Variants in TFEC observed in about 807,000 individuals in gnomAD.
TFEC encodes the protein transcription factor EC, also known as class E basic helix-loop-helix protein 34.
In TFEC, 31 loss-of-function variants were observed where a neutral mutation model predicts 41.6. The observed-to-expected ratio is 0.74, with a 90% confidence interval of 0.56 to 1.01. The LOEUF (loss-of-function observed/expected upper bound fraction) is 1.01. TFEC is among the 50% of genes least tolerant of loss of function. The probability of loss-of-function intolerance (pLI) is 0.00; values close to 1 mark genes in which losing one functional copy is unlikely to be tolerated. For missense variants in TFEC, 402 were observed against 404.1 expected (o/e 0.99, Z 0.04); for synonymous variants, 143 against 140.6 (o/e 1.02, Z -0.12).
At chr7:116,153,504 C>T (rs1465590754) in intron 1 of TFEC, among the ~76,000 whole-genome samples, 2 of 152,272 alleles carry the variant, frequency 1.3e-5, no homozygotes, top group East Asian at 1.9e-4. Flanking sequence ...CCACCCACCT[C>T]GGCCTCCCAA....
chr7:116,039,019 C>T (rs1373644380), intron 3 of TFEC, among the ~76,000 whole-genome samples: 1 of 152,056 alleles, frequency 6.6e-6, no homozygotes, highest in Non-Finnish European at 1.5e-5. Context: ...AAGTGACATT[C>T]ATCACTTCTA....
intron 1 of TFEC, among the ~76,000 whole-genome samples, chr7:115,996,361 G>A (rs1794367248): frequency 1.3e-5 from 2 of 152,124 alleles, no homozygotes; most frequent in African/African-American, 4.8e-5. Context: ...TAGCAGGGAA[G>A]GATCCAGTCA....
At chr7:116,030,806 A>G, upstream of TFEC, 2 of 985,440 alleles carry the variant, frequency 2.0e-6, no homozygotes, top group Non-Finnish European at 2.4e-6. Context: ...GAAAGAGAAA[A>G]GAGAAGTGGC....
intron 3 of TFEC, among the ~76,000 whole-genome samples, chr7:115,965,982 T>A (rs1271160728): frequency 6.6e-6 from 1 of 151,482 alleles, no homozygotes; most frequent in East Asian, 1.9e-4. Context: ...GCCCTAAGCC[T>A]AAATTATGTT....
At chr7:116,076,408 A>G (rs1031470536) in intron 3 of TFEC, among the ~76,000 whole-genome samples, 9 of 152,120 alleles carry the variant, frequency 5.9e-5, no homozygotes, top group Admixed American at 2.6e-4. Context: ...CCAGCAATGG[A>G]TCTAAACCAA....
chr7:116,068,592 A>G (rs1305659052), intron 3 of TFEC, among the ~76,000 whole-genome samples: 1 of 151,734 alleles, frequency 6.6e-6, no homozygotes, highest in Non-Finnish European at 1.5e-5. Context: ...AATAATTAAC[A>G]AAATAATAGA....
intron 1 of TFEC, among the ~76,000 whole-genome samples, chr7:116,122,102 T>C (rs1489635634): frequency 6.6e-6 from 1 of 152,042 alleles, no homozygotes; most frequent in Non-Finnish European, 1.5e-5. Flanking sequence ...GTAATTGTTG[T>C]TACAATTGCA....
At chr7:116,099,839 T>C (rs963173358) in intron 3 of TFEC, among the ~76,000 whole-genome samples, 3 of 152,256 alleles carry the variant, frequency 2.0e-5, no homozygotes, top group Non-Finnish European at 4.4e-5. Flanking sequence ...AATGTTTAAA[T>C]TGTACTTAAA....
intron 1 of TFEC, among the ~76,000 whole-genome samples, chr7:116,117,202 T>C (rs1798010012): frequency 6.6e-6 from 1 of 151,784 alleles, no homozygotes; most frequent in African/African-American, 2.4e-5. Context: ...CTTGACTAAA[T>C]AAGATTGCTT....
At chr7:115,980,378 A>T (rs1282723474) in intron 2 of TFEC, among the ~76,000 whole-genome samples, 2 of 152,186 alleles carry the variant, frequency 1.3e-5, no homozygotes, top group Non-Finnish European at 2.9e-5. Flanking sequence ...ATCTATGTTG[A>T]CATCACAGAG....
At chr7:115,941,572 G>A in intron 7 of TFEC, 1 of 319,850 alleles carries the variant, frequency 3.1e-6, no homozygotes, top group Non-Finnish European at 5.6e-6. Context: ...TATGAAATGA[G>A]TTATATTTTA....
chr7:115,993,228 T>A (rs1475328363), intron 1 of TFEC, among the ~76,000 whole-genome samples: 1 of 152,172 alleles, frequency 6.6e-6, no homozygotes, highest in Admixed American at 6.5e-5. Flanking sequence ...GAGCTATTTA[T>A]GACAAACCCA....
chr7:115,963,474 A>T (rs1041108930), intron 3 of TFEC, among the ~76,000 whole-genome samples: 1 of 151,768 alleles, frequency 6.6e-6, no homozygotes, highest in South Asian at 2.1e-4. Context: ...ACTTAAACAG[A>T]TAATTGTACA....
chr7:115,973,651 C>T (rs1793236549), intron 3 of TFEC, among the ~76,000 whole-genome samples: 1 of 151,972 alleles, frequency 6.6e-6, no homozygotes, highest in African/African-American at 2.4e-5. Flanking sequence ...AGTCTTTCTA[C>T]ATACTTTAAA....
chr7:116,019,284 T>C (rs1241305358), intron 1 of TFEC, among the ~76,000 whole-genome samples: 1 of 152,208 alleles, frequency 6.6e-6, no homozygotes, highest in African/African-American at 2.4e-5. Flanking sequence ...ACTAATTCTC[T>C]AAAGGAATGA....
intron 1 of TFEC, among the ~76,000 whole-genome samples, chr7:116,009,991 C>T (rs1220933582): frequency 6.6e-6 from 1 of 152,074 alleles, no homozygotes; most frequent in Non-Finnish European, 1.5e-5. Context: ...GATGATAGGG[C>T]TCAAACAGGA....
intron 6 of TFEC, among the ~76,000 whole-genome samples, chr7:115,948,876 G>C (rs1180383309): frequency 1.3e-5 from 2 of 150,124 alleles, no homozygotes; most frequent in Admixed American, 1.3e-4. Context: ...AGGAAATAAA[G>C]GGTATTCAAT....
At chr7:115,953,438 G>A (rs1792054040) in intron 5 of TFEC, among the ~76,000 whole-genome samples, 1 of 152,010 alleles carries the variant, frequency 6.6e-6, no homozygotes, top group African/African-American at 2.4e-5. Flanking sequence ...GCAAGATGAT[G>A]TAGCAGGTGT....
At chr7:115,995,325 C>T (rs557374302) in intron 1 of TFEC, among the ~76,000 whole-genome samples, 1 of 151,204 alleles carries the variant, frequency 6.6e-6, no homozygotes, top group East Asian at 1.9e-4. Context: ...GCACATGTAC[C>T]CTAGAACTTA....
Sources: gnomAD v4.1 joint callset for allele counts (sites outside exome capture counted in the v4.1 genomes callset) on GRCh38, gnomAD v4.1.1 for gene constraint, MANE v1.5 for transcripts, NCBI Gene and HGNC (gene_info 2026-07-23, HGNC 2026-07-21) for gene names.